The following ARSG variants were observed in gnomAD, a reference collection of about 807,000 sequenced individuals.
The protein encoded by ARSG is ASG.
A neutral mutation model predicts 50.5 loss-of-function variants in ARSG; 37 were observed. The observed-to-expected ratio is 0.73, with a 90% CI of 0.56 to 0.96. ARSG has a LOEUF of 0.96. Ranked by LOEUF, ARSG falls within the 50% of genes least tolerant of loss-of-function variation. ARSG has a pLI of 0.00. For synonymous variants in ARSG, 225 were observed against 254.6 expected, an observed-to-expected ratio of 0.88 and a Z score of 1.11; for missense variants, 629 against 675.3, an observed-to-expected ratio of 0.93 and a Z score of 0.76.
At chr17:68,442,493 T>A in the ARSG span, among the ~76,000 whole-genome samples, 5 of 148,176 alleles carry the variant, frequency 3.4e-5, no homozygotes, top group African/African-American at 1.2e-4. Context: ...AGGAGAAACA[T>A]CTGTTTGCAA....
intron 6 of ARSG, among the ~76,000 whole-genome samples, chr17:68,364,607 A>G (rs1227634202): frequency 1.3e-5 from 2 of 152,096 alleles, no homozygotes; most frequent in Non-Finnish European, 2.9e-5. Flanking sequence ...TGATCCACCC[A>G]CCTCGGCCTT....
At chr17:68,357,532 A>C (rs1203273361) in intron 6 of ARSG, among the ~76,000 whole-genome samples, 4 of 152,224 alleles carry the variant, frequency 2.6e-5, no homozygotes. Context: ...AAGACCCTTA[A>C]CATAATTCCA....
upstream of ARSG, among the ~76,000 whole-genome samples, chr17:68,290,585 G>T (rs1204886263): frequency 6.6e-6 from 1 of 152,248 alleles, no homozygotes; most frequent in Non-Finnish European, 1.5e-5. Context: ...TGCTGTGTTT[G>T]GGGGTCGGGG....
chr17:68,370,549 G>A, intron 8 of ARSG, 25 bp downstream of exon 8: 3 of 1,607,466 alleles, frequency 1.9e-6, no homozygotes, highest in East Asian at 2.2e-5. Flanking sequence ...TGGGGTTGGT[G>A]GATCCCATTG....
intron 11 of ARSG, 110 bp from the exon 12 acceptor site, chr17:68,420,079 T>A: frequency 7.9e-7 from 1 of 1,264,866 alleles, no homozygotes. Flanking sequence ...ATTGGAACAT[T>A]TGGTTATCTG....
At chr17:68,443,173 C>T in the ARSG span, among the ~76,000 whole-genome samples, 4 of 152,090 alleles carry the variant, frequency 2.6e-5, no homozygotes, top group Non-Finnish European at 5.9e-5. Flanking sequence ...TGCAGTGGTG[C>T]GATCTCAGCT....
intron 1 of ARSG, among the ~76,000 whole-genome samples, chr17:68,295,090 C>T (rs978856828): frequency 1.3e-5 from 2 of 151,456 alleles, no homozygotes; most frequent in Non-Finnish European, 2.9e-5. Context: ...CTCTTGGCTG[C>T]GACTCTTTCA....
intron 2 of ARSG, among the ~76,000 whole-genome samples, chr17:68,321,753 T>C (rs1360121981): frequency 1.3e-5 from 2 of 152,166 alleles, no homozygotes; most frequent in East Asian, 1.9e-4. Context: ...TTAATTTGCG[T>C]TGATTTTCTT....
the ARSG span, chr17:68,434,535 G>T: frequency 1.2e-6 from 2 of 1,613,172 alleles, no homozygotes; most frequent in Non-Finnish European, 1.7e-6. Flanking sequence ...CTTTAAAATG[G>T]GTTTGACATT....
chr17:68,420,617 C>T lies in ARSG; in HGVS notation c.*154C>T. 2 of 893,302 alleles carry T rather than the reference C, an allele frequency of 2.2e-6. No individual in the cohort carries two copies. The highest frequency in any genetic ancestry group is 3.4e-6 in the Non-Finnish European group (2 of 589,800). 55.3% of individuals were successfully genotyped at this position (893,302 alleles called of 1,614,324 possible). A position where few individuals can be genotyped will look rare whatever the true frequency, so the allele number is the denominator to read the frequency against. ...TTGCATATCCCTTCTGTATCCTGTC[C>T]CTCCTCCACGCCGACCCGAGAGCAG... On this transcript the variant is annotated 3_prime_UTR_variant, in exon 12 of 12. Transcript: ENST00000621439.
intron 4 of ARSG, among the ~76,000 whole-genome samples, chr17:68,347,416 C>G (rs1599819055): frequency 6.6e-6 from 1 of 152,190 alleles, no homozygotes; most frequent in East Asian, 1.9e-4. Flanking sequence ...TGCCCCATCA[C>G]AGGCCCATCA....
Position 68,409,565 on chromosome 17 carries a change from G to A in ARSG, c.1303+8115G>A, listed in dbSNP as rs1406323471. Among the ~76,000 whole-genome samples the A allele has an allele frequency of 7.0e-3, 1,055 of 151,352 alleles. 14 individuals carry two copies. Among genetic ancestry groups the A allele is most frequent in the African/African-American group, 0.024 (977 of 40,736 alleles). On this transcript the variant is annotated intron_variant, in intron 11 of 11. Coordinates refer to ENST00000621439, the MANE Select transcript of ARSG (RefSeq NM_001267727.2). ...TGAAGTCAGGTAGTGTGATGCCTCC[G>A]GCTTTGTTCTTTTGGCTGAGGATTG...
intron 2 of ARSG, among the ~76,000 whole-genome samples, chr17:68,334,729 G>A (rs570302788): frequency 6.6e-5 from 10 of 152,170 alleles, no homozygotes; most frequent in East Asian, 3.9e-4. Flanking sequence ...TGGAGTCACC[G>A]GCCAGAGGAC....
chr17:68,446,118 A>G, the ARSG span, among the ~76,000 whole-genome samples: 1 of 152,158 alleles, frequency 6.6e-6, no homozygotes, highest in Non-Finnish European at 1.5e-5. Flanking sequence ...AAGACTATCC[A>G]TGGCTCAGAA....
At chr17:68,379,973 C>T (rs956243344) in intron 8 of ARSG, 15 of 662,948 alleles carry the variant, frequency 2.3e-5, no homozygotes, top group Non-Finnish European at 2.4e-5. Flanking sequence ...TTGAGCGACA[C>T]GGATTTGAAC....
At chr17:68,450,962 A>C in the ARSG span, 1 of 1,554,388 alleles carries the variant, frequency 6.4e-7, no homozygotes, top group Admixed American at 2.0e-5. Flanking sequence ...TCCAGCCTCC[A>C]TGACACTGGG....
At chr17:68,370,359 C>A in intron 7 of ARSG, 85 bp from the exon 8 acceptor site, 1 of 1,225,828 alleles carries the variant, frequency 8.2e-7, no homozygotes, top group Non-Finnish European at 1.2e-6. Flanking sequence ...TCCTGCTCTG[C>A]GCAAGGGATA....
At chr17:68,269,477 A>G (rs2075261061) in intron 1 of ARSG, 4 of 869,184 alleles carry the variant, frequency 4.6e-6, no homozygotes, top group Non-Finnish European at 6.8e-6. Context: ...CTAAAGAAAA[A>G]TGGGTGTTAA....
chr17:68,278,045 G>T, intron 1 of ARSG: 2 of 1,349,090 alleles, frequency 1.5e-6, no homozygotes, highest in Non-Finnish European at 2.1e-6. Flanking sequence ...CAAATTAAAA[G>T]GGCCCTATAC....
Sources: allele counts gnomAD v4.1 joint callset (sites outside exome capture counted in the v4.1 genomes callset), GRCh38; gene constraint gnomAD v4.1.1; transcripts MANE v1.5; gene names NCBI Gene and HGNC (gene_info 2026-07-23, HGNC 2026-07-21).